NECAB1: variants seen among roughly 807,000 people sequenced by gnomAD.
NECAB1 encodes the protein N-terminal EF-hand calcium binding protein 1.
NECAB1 carries 29 observed loss-of-function variants against 57.5 expected under a neutral mutation model. The observed-to-expected ratio is 0.50, with a 90% CI of 0.38 to 0.69. The LOEUF (loss-of-function observed/expected upper bound fraction) is 0.69, where lower values mean the gene tolerates loss of function less well. Ranked by LOEUF, NECAB1 falls within the 30% of genes least tolerant of loss-of-function variation. NECAB1 has a pLI of 0.00. For missense variants in NECAB1, 372 were observed against 413.8 expected (o/e 0.90, Z 0.88); for synonymous variants, 142 against 147.7 (o/e 0.96, Z 0.28).
At chr8:90,875,646 G>C (rs935726499) in intron 4 of NECAB1, among the ~76,000 whole-genome samples, 4 of 151,690 alleles carry the variant, frequency 2.6e-5, no homozygotes, top group Non-Finnish European at 5.9e-5. Flanking sequence ...TTCTCATCTA[G>C]TCGGGTGTTA....
At chr8:90,859,145 G>A (rs1431248093) in intron 3 of NECAB1, 2 of 152,350 alleles carry the variant, frequency 1.3e-5, no homozygotes, top group East Asian at 3.9e-4. Context: ...TGAGGGAAGA[G>A]AGAGAAACAA....
intron 6 of NECAB1, among the ~76,000 whole-genome samples, chr8:90,918,826 C>T (rs925704356): frequency 2.0e-5 from 3 of 151,704 alleles, no homozygotes; most frequent in African/African-American, 7.3e-5. Flanking sequence ...ATACCTCCCA[C>T]TTCACTACCG....
intron 3 of NECAB1, among the ~76,000 whole-genome samples, chr8:90,842,292 G>T (rs1415831304): frequency 1.3e-5 from 2 of 152,114 alleles, no homozygotes; most frequent in African/African-American, 4.8e-5. Context: ...CAACCTCAAA[G>T]GTCAACTTTC....
intron 4 of NECAB1, chr8:90,872,504 T>A (rs980875905): frequency 5.9e-6 from 1 of 169,446 alleles, no homozygotes; most frequent in African/African-American, 2.4e-5. Context: ...AGCCTTTTGT[T>A]ACTACCTTAC....
At chr8:90,953,143 T>C (rs941837663) in intron 12 of NECAB1, among the ~76,000 whole-genome samples, 1 of 152,186 alleles carries the variant, frequency 6.6e-6, no homozygotes, top group Non-Finnish European at 1.5e-5. Context: ...TTGTTCTTAT[T>C]AGTGTCTTGA....
intron 10 of NECAB1, among the ~76,000 whole-genome samples, chr8:90,942,270 C>T (rs150955665): frequency 6.6e-6 from 1 of 152,130 alleles, no homozygotes; most frequent in African/African-American, 2.4e-5. Flanking sequence ...TGCTTCCCAT[C>T]CACTGAAGAC....
chr8:90,925,526 T>C lies in NECAB1; in HGVS notation c.495-9T>C. Reference sequence around the variant, plus strand: ...ACATTAAGGTTAAATGTTATCTCTGTTGATCAAGGCAAGGGCCAGCCAAGC... The same window carrying C: ...ACATTAAGGTTAAATGTTATCTCTGCTGATCAAGGCAAGGGCCAGCCAAGC... On this transcript the variant is annotated splice_polypyrimidine_tract_variant and intron_variant, in intron 6 of 12. Transcript: ENST00000417640. The C allele has an allele frequency of 6.2e-7, 1 of 1,611,476 alleles. No individual in the cohort carries two copies. The highest frequency in any genetic ancestry group is 8.5e-7 in the Non-Finnish European group (1 of 1,178,838).
chr8:90,943,940 C>G (rs73298077), intron 10 of NECAB1, among the ~76,000 whole-genome samples: 2 of 152,114 alleles, frequency 1.3e-5, no homozygotes, highest in Admixed American at 1.3e-4. Context: ...TTTTTACAGA[C>G]GGGGTTATGC....
intron 1 of NECAB1, among the ~76,000 whole-genome samples, chr8:90,801,321 T>A (rs1242305543): frequency 6.6e-6 from 1 of 152,206 alleles, no homozygotes; most frequent in East Asian, 1.9e-4. Context: ...TAGTTTGCAT[T>A]TTTAAGAATT....
Position 90,851,194 on chromosome 8 carries a change from C to A in NECAB1, c.234-20934C>A, listed in dbSNP as rs1272187505. On this transcript the variant is annotated intron_variant, in intron 3 of 12. Transcript: ENST00000417640. ...GCTCCATGCACCACTGCCCTCAATA[C>A]CTTGTCTTGGGCATCTATTCCATTT... 2.6e-5 allele frequency among the ~76,000 whole-genome samples: 4 copies of A among 152,342 alleles called. No individual in the cohort carries two copies. In the East Asian group the frequency reaches 5.8e-4, roughly 22 times the overall value.
intron 5 of NECAB1, among the ~76,000 whole-genome samples, chr8:90,890,564 T>TATATATAATGA (rs1809137632): frequency 6.6e-6 from 1 of 152,206 alleles, no homozygotes; most frequent in Non-Finnish European, 1.5e-5. Context: ...TATACAAATG[T>TATATATAATGA]ATATATAATG....
intron 5 of NECAB1, among the ~76,000 whole-genome samples, chr8:90,907,661 G>A (rs1389452044): frequency 6.6e-6 from 1 of 151,974 alleles, no homozygotes; most frequent in Non-Finnish European, 1.5e-5. Flanking sequence ...TTATTTCCTT[G>A]TGGTGTATAA....
rs376465434 is a variant in NECAB1, at chr8:90,875,402, A to C, written c.259+3249A>C. ...AGGCTGAGACAGGAGAATGGTGTGA[A>C]CCCGGGAAGCGGAGCTTGCAGTGAG... On this transcript the variant is annotated intron_variant, in intron 4 of 12. Coordinates refer to ENST00000417640, the MANE Select transcript of NECAB1 (RefSeq NM_022351.5). 1.9e-3 allele frequency among the ~76,000 whole-genome samples: 276 copies of C among 144,230 alleles called. 1 individual carries two copies. Among genetic ancestry groups the C allele is most frequent in the African/African-American group, 7.0e-3 (268 of 38,182 alleles). 94.6% of individuals were successfully genotyped at this position (144,230 alleles called of 152,430 possible).
chr8:90,855,174 C>G (rs1371714983), intron 3 of NECAB1, among the ~76,000 whole-genome samples: 1 of 152,176 alleles, frequency 6.6e-6, no homozygotes, highest in Non-Finnish European at 1.5e-5. Flanking sequence ...ATTACCAAAT[C>G]CAGACAAAGC....
intron 2 of NECAB1, chr8:90,813,267 A>T (rs1216386007): frequency 6.6e-6 from 1 of 151,210 alleles, no homozygotes; most frequent in Non-Finnish European, 1.5e-5. Context: ...ACACACACAC[A>T]CACACTTGTA....
chr8:90,889,587 T>C (rs751072303), intron 5 of NECAB1, among the ~76,000 whole-genome samples: 43 of 152,178 alleles, frequency 2.8e-4, no homozygotes, highest in Admixed American at 1.0e-3. Flanking sequence ...ATTGTAGTCA[T>C]TTTAAGGTCC....
chr8:90,809,576 C>T (rs1276332113), intron 2 of NECAB1, among the ~76,000 whole-genome samples: 1 of 152,192 alleles, frequency 6.6e-6, no homozygotes, highest in Non-Finnish European at 1.5e-5. Flanking sequence ...AAGGCATTTA[C>T]TGACGTGGAC....
chr8:90,921,294 C>T lies in NECAB1; in HGVS notation c.494+3666C>T, dbSNP rs111472130. 2.4e-3 allele frequency among the ~76,000 whole-genome samples: 360 copies of T among 152,250 alleles called. 2 individuals are homozygous for T. Among genetic ancestry groups the T allele is most frequent in the African/African-American group, 8.3e-3 (343 of 41,546 alleles). On this transcript the variant is annotated intron_variant, in intron 6 of 12. Coordinates refer to ENST00000417640, the MANE Select transcript of NECAB1 (RefSeq NM_022351.5). ...AGCCTCCAACGTGTGGGATTACAGG[C>T]TTGAACCACCACTCCCAGCCAATTC...
In NECAB1 at chr8:90,880,959, T is replaced by C; in HGVS notation, c.260-74T>C. On this transcript the variant is annotated intron_variant, in intron 4 of 12. Coordinates refer to ENST00000417640, the MANE Select transcript of NECAB1 (RefSeq NM_022351.5). ...TTGTTTTACTCATTTAAGGAGTAAA[T>C]AATTAGTTGATTTTTTTGTTTTATG... 2.8e-6 allele frequency: 3 copies of C among 1,073,108 alleles called. No homozygotes were observed. In the East Asian group the frequency reaches 7.9e-5, roughly 28 times the overall value. 66.5% of individuals were successfully genotyped at this position (1,073,108 alleles called of 1,614,324 possible). A position where few individuals can be genotyped will look rare whatever the true frequency, so the allele number is the denominator to read the frequency against.
Sources: allele counts gnomAD v4.1 joint callset (sites outside exome capture counted in the v4.1 genomes callset), GRCh38; gene constraint gnomAD v4.1.1; transcripts MANE v1.5; gene names NCBI Gene and HGNC (gene_info 2026-07-23, HGNC 2026-07-21).